USP9X: variants seen among roughly 807,000 people sequenced by gnomAD.
USP9X encodes the protein ubiquitin specific peptidase 9 X-linked.
In USP9X, 7 loss-of-function variants were observed where a neutral mutation model predicts 190.3. The ratio of observed to expected loss-of-function variants is 0.04; its 90% CI spans 0.02 to 0.07. The LOEUF is 0.07. Ranked by LOEUF, USP9X falls within the 10% of genes least tolerant of loss-of-function variation. The probability of loss-of-function intolerance (pLI) is 1.00; values close to 1 mark genes in which losing one functional copy is unlikely to be tolerated. For missense variants in USP9X, 1,010 were observed against 1,916.9 expected (o/e 0.53, Z 8.83); for synonymous variants, 645 against 659.5 (o/e 0.98, Z 0.34).
chrX:41,107,719 T>C (rs2062080772), intron 1 of USP9X, among the ~76,000 whole-genome samples: 1 of 112,201 alleles, frequency 8.9e-6, no homozygotes, highest in South Asian at 3.6e-4. Context: ...TTTTTTTCTC[T>C]GTTATTCAGA....
intron 25 of USP9X, 118 bp from the exon 26 acceptor site, chrX:41,189,191 A>C (rs1212669411): frequency 1.6e-6 from 1 of 636,150 alleles, no homozygotes; most frequent in East Asian, 3.3e-5. Context: ...GCAGCCATGG[A>C]GAGGCTGAGG....
At chrX:41,151,806 C>T (rs747875793) in intron 13 of USP9X, among the ~76,000 whole-genome samples, 1 of 112,362 alleles carries the variant, frequency 8.9e-6, no homozygotes, top group Admixed American at 9.4e-5. Flanking sequence ...CATGGCGAAA[C>T]CCCGTCTCTA....
At chrX:41,103,868 A>G (rs1056389977) in intron 1 of USP9X, among the ~76,000 whole-genome samples, 3 of 111,412 alleles carry the variant, frequency 2.7e-5, no homozygotes, top group Non-Finnish European at 5.7e-5. Context: ...CTATTTATGA[A>G]ATGGGAAATA....
At chrX:41,100,791 T>C (rs1035209287) in intron 1 of USP9X, among the ~76,000 whole-genome samples, 5 of 110,731 alleles carry the variant, frequency 4.5e-5, no homozygotes, top group Admixed American at 1.9e-4. Context: ...GGATTACTGG[T>C]GCCCACCACC....
chrX:41,178,434 G>T (rs1218603136), intron 21 of USP9X, among the ~76,000 whole-genome samples: 1 of 110,618 alleles, frequency 9.0e-6, no homozygotes, highest in Non-Finnish European at 1.9e-5. Flanking sequence ...ATTGTGGTAA[G>T]GTGATACCTC....
chrX:41,160,480 C>T (rs892938443), intron 14 of USP9X, among the ~76,000 whole-genome samples: 2 of 110,827 alleles, frequency 1.8e-5, no homozygotes, highest in Non-Finnish European at 3.8e-5. Context: ...TGCAGGGTCC[C>T]AGTTCTTCAT....
Position 41,143,309 on chromosome X carries a change from A to G in USP9X, c.1180A>G (p.Asn394Asp). The G allele has an allele frequency of 8.4e-7, 1 of 1,192,673 alleles. No homozygotes were observed. The highest frequency in any genetic ancestry group is 1.7e-5 in the African/African-American group (1 of 57,318). The change falls in exon 10 of 45, where the codon AAT becomes GAT. Residue 394 changes from asparagine to aspartate, a missense_variant. Transcript: ENST00000378308. ...CATTTAGGAATGGATACAGCAGAAC[A>G]ATATCTTATCCATAGTGTTGCGAGA... ...ERMAEWIQQN[N>D]ILSIVLRDSL...
At chrX:41,107,883 T>C (rs2062081805) in intron 1 of USP9X, among the ~76,000 whole-genome samples, 1 of 112,085 alleles carries the variant, frequency 8.9e-6, no homozygotes, top group South Asian at 3.6e-4. Context: ...TGTTTAGAAA[T>C]TGTCATATTT....
At chrX:41,088,278 G>T (rs2061928113) in intron 1 of USP9X, among the ~76,000 whole-genome samples, 1 of 112,254 alleles carries the variant, frequency 8.9e-6, no homozygotes. Flanking sequence ...GCTCAAGTAG[G>T]ATTTACTTTA....
At chrX:41,196,561 G>A (rs376617080) in intron 27 of USP9X, 31 bp from the exon 28 acceptor site, 3 of 1,199,119 alleles carry the variant, frequency 2.5e-6, no homozygotes, top group South Asian at 1.8e-5. Flanking sequence ...GGATGGACGT[G>A]TAAATTGATA....
At chrX:41,131,842 A>G (rs1405521845) in intron 4 of USP9X, among the ~76,000 whole-genome samples, 1 of 111,892 alleles carries the variant, frequency 8.9e-6, no homozygotes, top group African/African-American at 3.3e-5. Context: ...ATACTATACA[A>G]AAGAACATTT....
chrX:41,114,993 C>T (rs986541893), intron 1 of USP9X, among the ~76,000 whole-genome samples: 7 of 108,571 alleles, frequency 6.4e-5, no homozygotes, highest in Non-Finnish European at 9.6e-5. Context: ...GAGGCCGAGG[C>T]GGGTGGATCA....
At chrX:41,100,656 T>C (rs892807610) in intron 1 of USP9X, among the ~76,000 whole-genome samples, 3 of 111,071 alleles carry the variant, frequency 2.7e-5, no homozygotes, top group African/African-American at 9.8e-5. Context: ...TTAAAAAAAA[T>C]TTTTTTTGAA....
chrX:41,219,246 T>G lies in USP9X; in HGVS notation c.6565+15T>G. On this transcript the variant is annotated intron_variant, in intron 38 of 44. Transcript: ENST00000378308. ...TGCCAATTTAGGTAAGAATTTAAGT[T>G]TTTCAGAATTCTGTTTTGATGTATC... is the stretch of plus-strand genomic sequence containing the variant. 1 of 1,197,937 alleles carries G rather than the reference T, an allele frequency of 8.3e-7. No homozygotes were observed. Among genetic ancestry groups the G allele is most frequent in the Non-Finnish European group, 1.1e-6 (1 of 887,420 alleles).
intron 31 of USP9X, among the ~76,000 whole-genome samples, chrX:41,203,679 G>A (rs1364023721): frequency 9.0e-6 from 1 of 110,642 alleles, no homozygotes; most frequent in Non-Finnish European, 1.9e-5. Flanking sequence ...AGATCATTTG[G>A]TGATGCTATT....
chrX:41,232,604 T>C lies in USP9X; in HGVS notation c.*80T>C. On this transcript the variant is annotated 3_prime_UTR_variant, in exon 45 of 45. Transcript: ENST00000378308. ...AACCTTTTTCTGTGTCTGGCTAATA[T>C]TTAAAACTAGAAAAACTATTCCTAA... 9.2e-7 allele frequency: 1 copy of C among 1,088,411 alleles called. No homozygotes were observed. The highest frequency in any genetic ancestry group is 1.2e-6 in the Non-Finnish European group (1 of 816,390). The allele number at this position is 1,088,411 out of a possible 1,213,427, so 89.7% of individuals were successfully genotyped here.
intron 14 of USP9X, among the ~76,000 whole-genome samples, chrX:41,160,321 C>CATAT (rs59728639): frequency 9.4e-6 from 1 of 106,808 alleles, no homozygotes; most frequent in Non-Finnish European, 1.9e-5. Context: ...TATATATATA[C>CATAT]ATATATATAT....
At chrX:41,104,696 C>A (rs1404445519) in intron 1 of USP9X, among the ~76,000 whole-genome samples, 1 of 111,592 alleles carries the variant, frequency 9.0e-6, no homozygotes, top group African/African-American at 3.3e-5. Context: ...AAAACACCTG[C>A]TCTTTACTGG....
intron 21 of USP9X, among the ~76,000 whole-genome samples, chrX:41,183,424 T>TC (rs1157131441): frequency 1.8e-5 from 2 of 112,002 alleles, no homozygotes; most frequent in African/African-American, 6.5e-5. Flanking sequence ...ATCTTATTTT[T>TC]CCCCCACTGT....
Sources: gnomAD v4.1 joint callset for allele counts (sites outside exome capture counted in the v4.1 genomes callset) on GRCh38, gnomAD v4.1.1 for gene constraint, MANE v1.5 for transcripts, NCBI Gene and HGNC (gene_info 2026-07-23, HGNC 2026-07-21) for gene names.